FCHSD2: variants seen among roughly 807,000 people sequenced by gnomAD.
FCHSD2 encodes the protein F-BAR and double SH3 domains protein 2.
A neutral mutation model predicts 108.1 loss-of-function variants in FCHSD2; 38 were observed. The observed-to-expected ratio is 0.35, with a 90% CI of 0.27 to 0.46. FCHSD2 has a LOEUF of 0.46. Ranked by LOEUF, FCHSD2 falls within the 20% of genes least tolerant of loss-of-function variation. The pLI, the probability that FCHSD2 is intolerant of heterozygous loss-of-function variation, is 1.00. For missense variants in FCHSD2, 751 were observed against 897.8 expected (o/e 0.84, Z 2.09); for synonymous variants, 279 against 314.7 (o/e 0.89, Z 1.20).
intron 8 of FCHSD2, among the ~76,000 whole-genome samples, chr11:72,955,567 G>A (rs1856697097): frequency 6.6e-6 from 1 of 152,142 alleles, no homozygotes; most frequent in African/African-American, 2.4e-5. Flanking sequence ...CTTTAATCAT[G>A]TTTGGATCCC....
rs539509495 is a variant in FCHSD2, at chr11:72,873,344, T to C, written c.1147-5318A>G. 1.7e-4 allele frequency among the ~76,000 whole-genome samples: 26 copies of C among 150,470 alleles called. No individual in the cohort carries two copies. In the South Asian group the frequency reaches 5.0e-3, roughly 29 times the overall value. On this transcript the variant is annotated intron_variant, in intron 12 of 19. Transcript: ENST00000409418. ...ACTCTGTTTCAAAAAAAAAAAAAAA[T>C]GAATCTTTTCATGTGCTTATTTATG...
chr11:73,079,934 A>G (rs2135510084), intron 3 of FCHSD2, among the ~76,000 whole-genome samples: 1 of 152,308 alleles, frequency 6.6e-6, no homozygotes, highest in Non-Finnish European at 1.5e-5. Context: ...GATACGTTAC[A>G]TAGTTTACAT....
chr11:72,921,043 A>G (rs1001229572), intron 9 of FCHSD2, among the ~76,000 whole-genome samples: 2 of 152,064 alleles, frequency 1.3e-5, no homozygotes, highest in Non-Finnish European at 2.9e-5. Flanking sequence ...CCCTCTCCTA[A>G]AAGTATTAGC....
chr11:73,088,578 G>A (rs1245346337), intron 2 of FCHSD2, among the ~76,000 whole-genome samples: 1 of 151,520 alleles, frequency 6.6e-6, no homozygotes, highest in East Asian at 1.9e-4. Flanking sequence ...TGGTGTTTTA[G>A]TAAACATATA....
chr11:72,951,566 T>C (rs1289535602), intron 8 of FCHSD2, among the ~76,000 whole-genome samples: 1 of 152,194 alleles, frequency 6.6e-6, no homozygotes, highest in East Asian at 1.9e-4. Flanking sequence ...ATCACCATTT[T>C]CCCATATAGT....
intron 8 of FCHSD2, among the ~76,000 whole-genome samples, chr11:72,942,994 C>A (rs1565334355): frequency 6.6e-6 from 1 of 151,960 alleles, no homozygotes; most frequent in African/African-American, 2.4e-5. Context: ...TTCATTAATA[C>A]TGACTTTTTC....
intron 12 of FCHSD2, among the ~76,000 whole-genome samples, chr11:72,886,196 T>C (rs903958754): frequency 1.3e-5 from 2 of 152,192 alleles, no homozygotes; most frequent in Non-Finnish European, 2.9e-5. Context: ...TACATACTTA[T>C]AGGGCTGCAC....
chr11:72,840,065 ACTT>A (rs1860864212), intron 19 of FCHSD2, among the ~76,000 whole-genome samples: 1 of 152,088 alleles, frequency 6.6e-6, no homozygotes, highest in African/African-American at 2.4e-5. Flanking sequence ...TCTTGCCACC[ACTT>A]CTTTCTTGGA....
chr11:72,935,280 C>T (rs140999225), intron 8 of FCHSD2, among the ~76,000 whole-genome samples: 3 of 152,128 alleles, frequency 2.0e-5, no homozygotes, highest in South Asian at 4.1e-4. Flanking sequence ...TGTAATTTCC[C>T]CTAAAGTAAG....
At chr11:72,908,833 T>C (rs1057051913) in intron 9 of FCHSD2, among the ~76,000 whole-genome samples, 2 of 152,118 alleles carry the variant, frequency 1.3e-5, no homozygotes, top group African/African-American at 4.8e-5. Context: ...TTTGTACTTT[T>C]TGTAGAGATG....
intron 3 of FCHSD2, among the ~76,000 whole-genome samples, chr11:73,067,252 G>C (rs1859317328): frequency 6.6e-6 from 1 of 152,142 alleles, no homozygotes. Context: ...AACACTGCAT[G>C]TTCTCACTCA....
At chr11:72,908,592 T>C (rs1179582537) in intron 9 of FCHSD2, among the ~76,000 whole-genome samples, 1 of 151,602 alleles carries the variant, frequency 6.6e-6, no homozygotes, top group Non-Finnish European at 1.5e-5. Context: ...TAGGATGATA[T>C]AATATCTTAC....
chr11:72,934,613 C>T (rs2135331889), intron 8 of FCHSD2, among the ~76,000 whole-genome samples: 1 of 152,254 alleles, frequency 6.6e-6, no homozygotes, highest in African/African-American at 2.4e-5. Context: ...GGATCACAGG[C>T]ATGAGCTGCT....
chr11:72,941,882 T>C (rs1157590350), intron 8 of FCHSD2, among the ~76,000 whole-genome samples: 3 of 152,148 alleles, frequency 2.0e-5, no homozygotes, highest in African/African-American at 7.2e-5. Context: ...TGTATTAAGA[T>C]TGTAAAAAAG....
intron 2 of FCHSD2, among the ~76,000 whole-genome samples, chr11:73,135,560 G>T (rs971236253): frequency 3.9e-5 from 6 of 152,102 alleles, no homozygotes; most frequent in Non-Finnish European, 5.9e-5. Flanking sequence ...GAAACTTATT[G>T]TAAGTGGTCT....
chr11:73,013,352 CA>C (rs1857902020), intron 4 of FCHSD2, among the ~76,000 whole-genome samples: 1 of 152,236 alleles, frequency 6.6e-6, no homozygotes, highest in African/African-American at 2.4e-5. Flanking sequence ...CCTGGCTCTA[CA>C]AGCCCAGGTT....
chr11:73,119,333 A>G (rs1245641263), intron 2 of FCHSD2, among the ~76,000 whole-genome samples: 1 of 152,198 alleles, frequency 6.6e-6, no homozygotes, highest in East Asian at 1.9e-4. Context: ...ATATTCTCTA[A>G]TATGGGATAT....
chr11:72,986,673 T>G (rs991953355), intron 6 of FCHSD2, among the ~76,000 whole-genome samples: 1 of 152,212 alleles, frequency 6.6e-6, no homozygotes, highest in Non-Finnish European at 1.5e-5. Context: ...CTGAGTTGCA[T>G]GTAGATCTTC....
chr11:73,089,758 T>C (rs1261343758), intron 2 of FCHSD2, among the ~76,000 whole-genome samples: 1 of 152,052 alleles, frequency 6.6e-6, no homozygotes, highest in African/African-American at 2.4e-5. Flanking sequence ...AAAAAGTAAA[T>C]TAGTGGTTGC....
Sources: gnomAD v4.1 joint callset for allele counts (sites outside exome capture counted in the v4.1 genomes callset) on GRCh38, gnomAD v4.1.1 for gene constraint, MANE v1.5 for transcripts, NCBI Gene and HGNC (gene_info 2026-07-23, HGNC 2026-07-21) for gene names.